The following CACNA2D1 variants were observed in gnomAD, a reference collection of about 807,000 sequenced individuals.
The protein encoded by CACNA2D1 is voltage-dependent calcium channel subunit alpha-2/delta-1.
A neutral mutation model predicts 171.5 loss-of-function variants in CACNA2D1; 53 were observed. The observed-to-expected ratio is 0.31, with a 90% CI of 0.25 to 0.39. CACNA2D1 has a LOEUF of 0.39. Among genes scored for constraint, CACNA2D1 ranks in the 10% least tolerant of loss-of-function variants. The pLI is 1.00. For missense variants in CACNA2D1, 903 were observed against 1,299.8 expected (o/e 0.69, Z 4.69); for synonymous variants, 442 against 443.1 (o/e 1.00, Z 0.03).
chr7:82,080,038 G>T (rs973331635), intron 7 of CACNA2D1, among the ~76,000 whole-genome samples: 3 of 109,138 alleles, frequency 2.7e-5, no homozygotes, highest in Non-Finnish European at 3.7e-5. Flanking sequence ...TACTGATGGG[G>T]TTAAAAATAT....
intron 1 of CACNA2D1, among the ~76,000 whole-genome samples, chr7:82,402,705 C>T: frequency 1.5e-5 from 1 of 64,826 alleles, no homozygotes; most frequent in African/African-American, 6.1e-5. Context: ...GACTCTGTCT[C>T]AAAAAAAAAA....
chr7:82,409,913 C>T (rs2129454545), intron 1 of CACNA2D1, among the ~76,000 whole-genome samples: 1 of 152,274 alleles, frequency 6.6e-6, no homozygotes, highest in South Asian at 2.1e-4. Flanking sequence ...TAGCCTACTG[C>T]TCCTAGGCTA....
intron 4 of CACNA2D1, among the ~76,000 whole-genome samples, chr7:82,144,078 TG>T (rs1209139578): frequency 6.6e-6 from 1 of 152,118 alleles, no homozygotes. Context: ...TCTATTTCTT[TG>T]GGTGTAATAG....
intron 12 of CACNA2D1, among the ~76,000 whole-genome samples, chr7:82,014,880 C>A (rs1030015772): frequency 6.6e-6 from 1 of 152,034 alleles, no homozygotes; most frequent in Non-Finnish European, 1.5e-5. Context: ...ATGGTGAAAC[C>A]CCGTTTGTAC....
intron 3 of CACNA2D1, among the ~76,000 whole-genome samples, chr7:82,239,021 G>A (rs1416546936): frequency 6.6e-6 from 1 of 151,980 alleles, no homozygotes; most frequent in Non-Finnish European, 1.5e-5. Context: ...GCATTTTGAG[G>A]TAAGTAATAT....
intron 6 of CACNA2D1, among the ~76,000 whole-genome samples, chr7:82,104,478 A>T (rs258680): frequency 0.34 from 51,007 of 151,870 alleles, 9,085 homozygotes; most frequent in East Asian, 0.4. Context: ...TTATATTCTT[A>T]TGAAAGACAA....
chr7:82,022,046 A>C (rs1382514268), intron 12 of CACNA2D1, among the ~76,000 whole-genome samples: 2 of 152,034 alleles, frequency 1.3e-5, no homozygotes, highest in Non-Finnish European at 1.5e-5. Context: ...AGTAATACTT[A>C]ACCTCATTTT....
chr7:81,974,096 T>C (rs531304984), intron 25 of CACNA2D1, among the ~76,000 whole-genome samples: 28 of 152,078 alleles, frequency 1.8e-4, no homozygotes, highest in Admixed American at 1.6e-3. Flanking sequence ...TATAAATAAA[T>C]TTATAAAAAT....
chr7:82,199,209 G>T (rs1253519279), intron 3 of CACNA2D1, among the ~76,000 whole-genome samples: 1 of 151,972 alleles, frequency 6.6e-6, no homozygotes, highest in Non-Finnish European at 1.5e-5. Context: ...GCATTACTGA[G>T]TTAATTACAT....
intron 3 of CACNA2D1, among the ~76,000 whole-genome samples, chr7:82,217,073 A>T (rs887285199): frequency 8.6e-5 from 13 of 151,904 alleles, no homozygotes; most frequent in Non-Finnish European, 1.5e-4. Context: ...AATGTCTTTG[A>T]CCAACTCCAT....
At chr7:82,036,136 CCTCTCA>C (rs1803264461) in intron 11 of CACNA2D1, among the ~76,000 whole-genome samples, 2 of 152,152 alleles carry the variant, frequency 1.3e-5, no homozygotes, top group South Asian at 4.1e-4. Context: ...CACCTAAGCC[CCTCTCA>C]CTCTGCAACC....
chr7:81,976,391 ATT>A (rs979378462), intron 24 of CACNA2D1, among the ~76,000 whole-genome samples: 4 of 152,088 alleles, frequency 2.6e-5, no homozygotes, highest in African/African-American at 9.7e-5. Flanking sequence ...ATGTTTTTCC[ATT>A]TGTTTTTGTC....
chr7:82,270,314 C>T (rs771961621), intron 3 of CACNA2D1, among the ~76,000 whole-genome samples: 1 of 152,064 alleles, frequency 6.6e-6, no homozygotes, highest in Non-Finnish European at 1.5e-5. Context: ...ATTTACTTAC[C>T]CCTTTACTTC....
chr7:82,053,848 C>T (rs1199634363), intron 10 of CACNA2D1, among the ~76,000 whole-genome samples: 1 of 152,092 alleles, frequency 6.6e-6, no homozygotes, highest in Non-Finnish European at 1.5e-5. Context: ...GTTTTTCCTA[C>T]GAGTAATATA....
At chr7:82,240,359 C>T (rs1245120697) in intron 3 of CACNA2D1, among the ~76,000 whole-genome samples, 1 of 152,150 alleles carries the variant, frequency 6.6e-6, no homozygotes, top group Non-Finnish European at 1.5e-5. Flanking sequence ...TCCATTCTGC[C>T]ATCATAGATA....
At chr7:82,136,608 A>T in intron 5 of CACNA2D1, 27 bp downstream of exon 5, 1 of 1,549,012 alleles carries the variant, frequency 6.5e-7, no homozygotes, top group Non-Finnish European at 8.8e-7. Flanking sequence ...TTTTCTTGGA[A>T]TTTAATGGAA....
chr7:82,430,109 G>T, intron 1 of CACNA2D1, among the ~76,000 whole-genome samples: 1 of 151,624 alleles, frequency 6.6e-6, no homozygotes, highest in Admixed American at 6.6e-5. Context: ...ATGTCAAAAT[G>T]ACTGCTATAA....
rs1425791824 is a variant in CACNA2D1 at position 82,125,476 on chromosome 7, A to C, written c.397-8303T>G. The stretch of plus-strand genomic sequence containing the variant: ...GAAACCTAAACTAGGAATCCAAATA[A>C]ATTTCAAAACTAATGATAACTTGAA... On this transcript the variant is annotated intron_variant, in intron 5 of 38. Transcript: ENST00000356860. Among the ~76,000 whole-genome samples, 3 of 152,330 alleles carry C rather than the reference A, an allele frequency of 2.0e-5. No individual in the cohort carries two copies. The East Asian group carries it at 5.8e-4, about 29-fold the overall frequency.
chr7:82,367,102 G>C (rs1280001309), intron 1 of CACNA2D1, among the ~76,000 whole-genome samples: 1 of 151,440 alleles, frequency 6.6e-6, no homozygotes, highest in Non-Finnish European at 1.5e-5. Flanking sequence ...TAGTGACAGG[G>C]CCTCACCATG....
Sources: gnomAD v4.1 joint callset for allele counts (sites outside exome capture counted in the v4.1 genomes callset) on GRCh38, gnomAD v4.1.1 for gene constraint, MANE v1.5 for transcripts, NCBI Gene and HGNC (gene_info 2026-07-23, HGNC 2026-07-21) for gene names.